The following DPY30 variants were observed in gnomAD, a reference collection of about 807,000 sequenced individuals.
The protein encoded by DPY30 is dpy-30 histone methyltransferase complex regulatory subunit.
In DPY30, 6 loss-of-function variants were observed where a neutral mutation model predicts 16.2. That is an observed-to-expected ratio of 0.37 (90% CI 0.20 to 0.73). The LOEUF is 0.73. Ranked by LOEUF, DPY30 falls within the 30% of genes least tolerant of loss-of-function variation. The pLI is 0.51. For missense variants in DPY30, 73 were observed against 113.1 expected (o/e 0.65, Z 1.61); for synonymous variants, 39 against 38.8 (o/e 1.00, Z -0.02).
chr2:32,025,795 C>CG (rs1187615677), intron 4 of DPY30, among the ~76,000 whole-genome samples: 6 of 146,600 alleles, frequency 4.1e-5, no homozygotes, highest in African/African-American at 1.0e-4. Flanking sequence ...GTACTTGGGC[C>CG]GGGGGGAAAA....
intron 3 of DPY30, among the ~76,000 whole-genome samples, 198 bp downstream of exon 3, chr2:32,039,081 A>T (rs941769031): frequency 5.3e-5 from 8 of 152,178 alleles, no homozygotes; most frequent in African/African-American, 1.9e-4. Context: ...CAATCCTTTG[A>T]CTCAAACGTA....
chr2:32,038,420 G>GT (rs1675835420), intron 3 of DPY30, among the ~76,000 whole-genome samples: 1 of 94,520 alleles, frequency 1.1e-5, no homozygotes, highest in Non-Finnish European at 2.1e-5. Context: ...GGGGGGGGGG[G>GT]GCGGGGGGAG....
chr2:32,035,181 G>A (rs545463230), intron 3 of DPY30, among the ~76,000 whole-genome samples: 3 of 151,968 alleles, frequency 2.0e-5, no homozygotes, highest in Admixed American at 2.0e-4. Flanking sequence ...TACTCAGGAG[G>A]CTGAGGTGGG....
intron 4 of DPY30, among the ~76,000 whole-genome samples, chr2:32,028,357 G>A (rs1675410897): frequency 6.6e-6 from 1 of 151,638 alleles, no homozygotes; most frequent in African/African-American, 2.4e-5. Flanking sequence ...ATTATTCCTT[G>A]AATAAAAAAG....
Position 32,024,025 on chromosome 2 carries a change from T to A in DPY30, c.*159A>T. ...ATGGTTTATGGTGATTAAATCAAAA[T>A]AAGGGAAATATGTTATCTTCTGCAA... On this transcript the variant is annotated 3_prime_UTR_variant, in exon 5 of 5. Transcript: ENST00000342166. 1.4e-6 allele frequency: 2 copies of A among 1,473,520 alleles called. No homozygotes were observed. The highest frequency in any genetic ancestry group is 1.8e-6 in the Non-Finnish European group (2 of 1,120,054). 91.3% of individuals were successfully genotyped at this position (1,473,520 alleles called of 1,614,324 possible).
At chr2:32,014,805 A>G (rs1241077703) in intron 5 of DPY30, among the ~76,000 whole-genome samples, 1 of 152,104 alleles carries the variant, frequency 6.6e-6, no homozygotes, top group Non-Finnish European at 1.5e-5. Flanking sequence ...TTAAAAAAAA[A>G]AAGAAGAATG....
intron 3 of DPY30, among the ~76,000 whole-genome samples, chr2:32,031,137 T>G (rs1675521970): frequency 6.6e-6 from 1 of 152,152 alleles, no homozygotes; most frequent in South Asian, 2.1e-4. Context: ...TTAAAAAATT[T>G]TGCGGCCAGG....
downstream of DPY30, among the ~76,000 whole-genome samples, chr2:32,019,835 A>AAT (rs901989516): frequency 0.017 from 2,079 of 122,812 alleles, 30 homozygotes; most frequent in East Asian, 0.031. Flanking sequence ...AAAAAAAAAA[A>AAT]ATATATATAT....
At chr2:32,026,236 C>G (rs1010745349) in intron 4 of DPY30, among the ~76,000 whole-genome samples, 1 of 152,026 alleles carries the variant, frequency 6.6e-6, no homozygotes, top group Non-Finnish European at 1.5e-5. Flanking sequence ...TAGTAAGACC[C>G]CAACTCTTCA....
chr2:32,022,507 T>G (rs965397267), downstream of DPY30, among the ~76,000 whole-genome samples: 1 of 133,564 alleles, frequency 7.5e-6, no homozygotes, highest in African/African-American at 3.0e-5. Flanking sequence ...TATGTATTTA[T>G]GTATTTTTTT....
At chr2:32,031,512 A>C (rs1012827405) in intron 3 of DPY30, among the ~76,000 whole-genome samples, 8 of 151,516 alleles carry the variant, frequency 5.3e-5, no homozygotes, top group African/African-American at 1.7e-4. Context: ...CACGAAAATC[A>C]CTTGTACCTG....
At chr2:32,012,764 AAAG>A (rs1246391212) in intron 5 of DPY30, among the ~76,000 whole-genome samples, 1 of 152,120 alleles carries the variant, frequency 6.6e-6, no homozygotes, top group Non-Finnish European at 1.5e-5. Flanking sequence ...GTAACAGAAA[AAAG>A]AAGGCTTGAG....
rs1342710061 is a variant in DPY30 at position 32,032,248 on chromosome 2, CTATT to C, written c.85-2516_85-2513del. 4.6e-5 allele frequency among the ~76,000 whole-genome samples: 7 copies of C among 152,174 alleles called. No homozygotes were observed. The East Asian group carries it at 1.2e-3, about 25-fold the overall frequency. ...ACAAAGTTTTTTAATCTATAAAATA[CTATT>C]TATTTGTCCATGGACTGAAAATTTT... On this transcript the variant is annotated intron_variant, in intron 3 of 4. Transcript: ENST00000342166.
intron 4 of DPY30, among the ~76,000 whole-genome samples, chr2:32,028,164 G>A (rs1675404740): frequency 6.9e-6 from 1 of 145,932 alleles, no homozygotes; most frequent in East Asian, 2.0e-4. Flanking sequence ...AGGCTGGAGT[G>A]CAGTGGTGCG....
intron 3 of DPY30, among the ~76,000 whole-genome samples, chr2:32,030,816 C>A (rs948247670): frequency 5.9e-5 from 9 of 151,510 alleles, no homozygotes; most frequent in Admixed American, 5.3e-4. Context: ...ATAAATAAAT[C>A]TATGATTTTT....
At chr2:32,037,614 G>A (rs1406947983) in intron 3 of DPY30, among the ~76,000 whole-genome samples, 1 of 151,464 alleles carries the variant, frequency 6.6e-6, no homozygotes, top group Admixed American at 6.6e-5. Flanking sequence ...CTGGACTGCA[G>A]TGGCACAATC....
downstream of DPY30, among the ~76,000 whole-genome samples, chr2:32,020,417 C>T (rs1675153483): frequency 6.6e-6 from 1 of 152,074 alleles, no homozygotes; most frequent in Non-Finnish European, 1.5e-5. Context: ...AAGGCTAAGG[C>T]AAGAAGCTCA....
At chr2:32,018,343 G>A (rs1675101749) in intron 5 of DPY30, among the ~76,000 whole-genome samples, 2 of 151,990 alleles carry the variant, frequency 1.3e-5, no homozygotes, top group Admixed American at 1.3e-4. Context: ...GTGGAAGAAG[G>A]ACAATACAGA....
chr2:32,038,746 C>CA (rs1459310504), intron 3 of DPY30, among the ~76,000 whole-genome samples: 1 of 141,452 alleles, frequency 7.1e-6, no homozygotes, highest in East Asian at 2.2e-4. Flanking sequence ...CTTCCAGATT[C>CA]AAGAGATTCT....
Sources: allele counts gnomAD v4.1 joint callset (sites outside exome capture counted in the v4.1 genomes callset), GRCh38; gene constraint gnomAD v4.1.1; transcripts MANE v1.5; gene names NCBI Gene and HGNC (gene_info 2026-07-23, HGNC 2026-07-21).